MYO16: variants seen among roughly 807,000 people sequenced by gnomAD.
MYO16 encodes unconventional myosin-XVI.
Under a neutral mutation model 205.3 loss-of-function variants are expected in MYO16, and 94 were observed. The ratio of observed to expected loss-of-function variants is 0.46; its 90% CI spans 0.39 to 0.54. MYO16 has a LOEUF of 0.54. MYO16 is among the 20% of genes least tolerant of loss of function. The pLI is 0.00. For missense variants in MYO16, 2,315 were observed against 2,387.5 expected (o/e 0.97, Z 0.63); for synonymous variants, 988 against 954.0 (o/e 1.04, Z -0.66).
chr13:108,639,952 T>C (rs16972849), intron 1 of MYO16, among the ~76,000 whole-genome samples: 14,310 of 152,262 alleles, frequency 0.094, 1,265 homozygotes, highest in African/African-American at 0.23. Flanking sequence ...TGTTACTAAG[T>C]TTCAGATGGG....
intron 4 of MYO16, among the ~76,000 whole-genome samples, chr13:108,782,645 C>T (rs1886338891): frequency 6.6e-6 from 1 of 152,182 alleles, no homozygotes; most frequent in Non-Finnish European, 1.5e-5. Flanking sequence ...CCTCCCATCA[C>T]AGGCCCAGAG....
intron 4 of MYO16, among the ~76,000 whole-genome samples, chr13:108,784,128 C>T (rs1886388044): frequency 6.6e-6 from 1 of 152,202 alleles, no homozygotes; most frequent in Non-Finnish European, 1.5e-5. Flanking sequence ...GACCAAAGCA[C>T]TGCCGTGTTC....
At chr13:109,038,460 C>G (rs1384798642) in intron 23 of MYO16, among the ~76,000 whole-genome samples, 1 of 150,578 alleles carries the variant, frequency 6.6e-6, no homozygotes, top group Non-Finnish European at 1.5e-5. Context: ...GATTTCGGGC[C>G]CTCTGACTTA....
chr13:108,873,419 C>T (rs961192519), intron 12 of MYO16, among the ~76,000 whole-genome samples: 26 of 152,216 alleles, frequency 1.7e-4, no homozygotes, highest in Admixed American at 1.6e-3. Flanking sequence ...TAATCATGGA[C>T]GGAGAACACT....
intron 28 of MYO16, among the ~76,000 whole-genome samples, chr13:109,107,506 G>A (rs1889153747): frequency 6.6e-6 from 1 of 151,934 alleles, no homozygotes. Context: ...AGAAGAGCAA[G>A]GAACTGTTAA....
the MYO16 span, among the ~76,000 whole-genome samples, chr13:108,546,713 A>T: frequency 6.6e-6 from 1 of 152,150 alleles, no homozygotes; most frequent in Non-Finnish European, 1.5e-5. Context: ...CACTCTTCCC[A>T]TCACAGCATG....
At chr13:109,184,777 T>G (rs1005226705) in intron 34 of MYO16, among the ~76,000 whole-genome samples, 1 of 151,968 alleles carries the variant, frequency 6.6e-6, no homozygotes, top group Admixed American at 6.6e-5. Flanking sequence ...TTTTCTTTTT[T>G]TTTTTGAAAT....
At chr13:108,745,692 A>T (rs952717208) in intron 4 of MYO16, among the ~76,000 whole-genome samples, 1 of 152,180 alleles carries the variant, frequency 6.6e-6, no homozygotes, top group African/African-American at 2.4e-5. Flanking sequence ...GAAGATATAA[A>T]AAAAACATCA....
At chr13:108,525,411 C>T in the MYO16 span, among the ~76,000 whole-genome samples, 10 of 152,136 alleles carry the variant, frequency 6.6e-5, no homozygotes, top group African/African-American at 2.2e-4. Context: ...GTGCTCTGCT[C>T]ACAGTCCTCG....
intron 12 of MYO16, among the ~76,000 whole-genome samples, chr13:108,873,972 A>G (rs1410245337): frequency 6.6e-6 from 1 of 152,266 alleles, no homozygotes; most frequent in African/African-American, 2.4e-5. Context: ...ACAAAAATGC[A>G]TCATCAAGCC....
intron 22 of MYO16, among the ~76,000 whole-genome samples, chr13:109,013,726 G>A (rs997619588): frequency 2.6e-5 from 4 of 152,212 alleles, no homozygotes; most frequent in African/African-American, 4.8e-5. Context: ...GTGGTGATGA[G>A]CATTTTTTCA....
intron 34 of MYO16, among the ~76,000 whole-genome samples, chr13:109,201,118 T>A (rs145087589): frequency 3.4e-4 from 52 of 152,290 alleles, no homozygotes; most frequent in African/African-American, 1.2e-3. Flanking sequence ...TTCTCTACAG[T>A]TCTTGCGTTC....
At chr13:108,908,925 A>T (rs1594387359) in intron 15 of MYO16, among the ~76,000 whole-genome samples, 1 of 151,790 alleles carries the variant, frequency 6.6e-6, no homozygotes, top group East Asian at 1.9e-4. Flanking sequence ...GTGAGCCAAG[A>T]TCGTGCCACT....
chr13:108,930,319 A>G (rs1566417800), intron 16 of MYO16, among the ~76,000 whole-genome samples: 1 of 152,076 alleles, frequency 6.6e-6, no homozygotes, highest in Non-Finnish European at 1.5e-5. Context: ...CTCATTATCA[A>G]TTTTTTAATT....
chr13:108,835,045 A>G (rs999402183), intron 9 of MYO16, among the ~76,000 whole-genome samples: 1 of 152,248 alleles, frequency 6.6e-6, no homozygotes, highest in East Asian at 1.9e-4. Flanking sequence ...ATAACGCATA[A>G]CTAATTAATA....
At chr13:109,134,513 A>T (rs145771581) in intron 31 of MYO16, among the ~76,000 whole-genome samples, 2 of 152,272 alleles carry the variant, frequency 1.3e-5, no homozygotes, top group Non-Finnish European at 1.5e-5. Context: ...AGGTGGCTGG[A>T]ATCATCTGAA....
At chr13:108,794,210 C>T (rs1886710792) in intron 6 of MYO16, among the ~76,000 whole-genome samples, 1 of 36,280 alleles carries the variant, frequency 2.8e-5, no homozygotes, top group African/African-American at 9.1e-5. Context: ...GAATGACAAA[C>T]CCCTAAGGGG....
intron 20 of MYO16, among the ~76,000 whole-genome samples, chr13:108,971,790 G>A (rs920509722): frequency 6.6e-6 from 1 of 151,910 alleles, no homozygotes; most frequent in Non-Finnish European, 1.5e-5. Context: ...CTGTTTCTTT[G>A]ACACCCAGGT....
chr13:108,726,824 G>A (rs1463652147), intron 3 of MYO16, among the ~76,000 whole-genome samples: 1 of 151,978 alleles, frequency 6.6e-6, no homozygotes, highest in Non-Finnish European at 1.5e-5. Context: ...GTTTGATTTA[G>A]TAAATTATTG....
Sources: allele counts gnomAD v4.1 joint callset (sites outside exome capture counted in the v4.1 genomes callset), GRCh38; gene constraint gnomAD v4.1.1; transcripts MANE v1.5; gene names NCBI Gene and HGNC (gene_info 2026-07-23, HGNC 2026-07-21).